The following KIAA1549 variants were observed in gnomAD, a reference collection of about 807,000 sequenced individuals.
KIAA1549 encodes KIAA1549.
A neutral mutation model predicts 156.4 loss-of-function variants in KIAA1549; 70 were observed. The observed-to-expected ratio is 0.45, with a 90% CI of 0.37 to 0.55. The LOEUF (loss-of-function observed/expected upper bound fraction) is 0.55, where lower values mean the gene tolerates loss of function less well. Among genes scored for constraint, KIAA1549 ranks in the 20% least tolerant of loss-of-function variants. The pLI is 0.00. For missense variants in KIAA1549, 2,428 were observed against 2,540.9 expected (o/e 0.96, Z 0.96); for synonymous variants, 1,103 against 1,066.4 (o/e 1.03, Z -0.67).
intron 17 of KIAA1549, among the ~76,000 whole-genome samples, chr7:138,846,408 A>C (rs1193879641): frequency 6.6e-6 from 1 of 151,922 alleles, no homozygotes; most frequent in Admixed American, 6.6e-5. Context: ...GGTGGCGCGC[A>C]CAAGTAATCC....
Position 138,831,484 on chromosome 7 carries a change from A to G in KIAA1549, c.*6422T>C, listed in dbSNP as rs745384041. ...CCAAATACTTGCATAAATTATTTCAAAAACTCTACAGCACATTAGAAAACA... is the reference window on the plus strand; with the variant it reads ...CCAAATACTTGCATAAATTATTTCAGAAACTCTACAGCACATTAGAAAACA... On this transcript the variant is annotated 3_prime_UTR_variant, in exon 20 of 20. Coordinates refer to ENST00000422774, the MANE Select transcript of KIAA1549 (RefSeq NM_001164665.2). 4.7e-6 allele frequency: 1 copy of G among 214,328 alleles called. No individual in the cohort carries two copies. Among genetic ancestry groups the G allele is most frequent in the Non-Finnish European group, 9.4e-6 (1 of 106,250 alleles). The allele number at this position is 214,328 out of a possible 1,614,324, so 13.3% of individuals were successfully genotyped here. A position where few individuals can be genotyped will look rare whatever the true frequency, so the allele number is the denominator to read the frequency against.
intron 7 of KIAA1549, among the ~76,000 whole-genome samples, chr7:138,904,805 T>C (rs1406662663): frequency 6.6e-6 from 1 of 152,136 alleles, no homozygotes; most frequent in Non-Finnish European, 1.5e-5. Flanking sequence ...GAACTTGATG[T>C]ATGAATTTTA....
rs764227010 is a variant in KIAA1549, at chr7:138,917,096, G to C, written c.2530C>G (p.Leu844Val). Residue 844 changes from leucine (L) to valine (V), a missense_variant, in exon 2 of 20, where the codon CTG (leucine) becomes GTG (valine). Physicochemically the swap from Leu to Val is conservative, Grantham distance 32 (BLOSUM62 1). Around this residue, in one of 5 missense-constraint regions of KIAA1549, gnomAD observed 762 missense variants for 901.6 expected, o/e 0.85. Coordinates refer to ENST00000422774, the MANE Select transcript of KIAA1549 (RefSeq NM_001164665.2). ...TGTVLITDAY[L>V]PSGSSFVSEA... Reference sequence around the variant, plus strand: ...GAAACAAACGAGGATCCTGATGGCAGGTACGCGTCAGTGATCAACACCGTA... The same window carrying C: ...GAAACAAACGAGGATCCTGATGGCACGTACGCGTCAGTGATCAACACCGTA... 5.6e-6 allele frequency: 9 copies of C among 1,609,878 alleles called. No homozygotes were observed. The highest frequency in any genetic ancestry group is 7.6e-6 in the Non-Finnish European group (9 of 1,178,140).
At chr7:138,920,075 T>G (rs947420161) in intron 1 of KIAA1549, among the ~76,000 whole-genome samples, 1 of 149,272 alleles carries the variant, frequency 6.7e-6, no homozygotes, top group African/African-American at 2.5e-5. Flanking sequence ...ACTCTAGGCC[T>G]TCCCAGCTAT....
intron 1 of KIAA1549, among the ~76,000 whole-genome samples, chr7:138,967,454 G>A (rs1482091037): frequency 1.3e-5 from 2 of 152,196 alleles, no homozygotes; most frequent in African/African-American, 4.8e-5. Flanking sequence ...GGAACAGCAA[G>A]TACAAATGAT....
intron 9 of KIAA1549, among the ~76,000 whole-genome samples, chr7:138,898,231 C>T (rs1462812374): frequency 2.0e-4 from 30 of 146,984 alleles, no homozygotes; most frequent in Admixed American, 2.1e-4. Flanking sequence ...CACTTGAACC[C>T]GGGAGGCAGA....
chr7:138,918,242 A>G lies in KIAA1549; in HGVS notation c.1384T>C (p.Ser462Pro). The G allele has an allele frequency of 6.2e-7, 1 of 1,613,952 alleles. No homozygotes were observed. The highest frequency in any genetic ancestry group is 1.3e-5 in the African/African-American group (1 of 75,040). The change falls in exon 2 of 20, where the codon TCT (serine) becomes CCT (proline). Residue 462 changes from serine to proline, a missense_variant. Physicochemically the swap from Ser to Pro is moderately conservative, Grantham distance 74. This residue lies in a region of KIAA1549 where 893 missense variants were observed against 847.9 expected (regional missense o/e 1.05). Coordinates refer to ENST00000422774, the MANE Select transcript of KIAA1549 (RefSeq NM_001164665.2). This position sits in a 1 kb window ranked among gnomAD's most constrained non-coding sequence, Gnocchi z 4.2. ...CMTVLEESSI[S>P]LMSSVVADFS... ...TCTGCTACGACGCTACTCATTAGAG[A>G]GATGCTGCTTTCTTCCAGCACGGTC...
chr7:138,896,151 C>T (rs1392530880), intron 9 of KIAA1549, among the ~76,000 whole-genome samples: 1 of 152,200 alleles, frequency 6.6e-6, no homozygotes, highest in Admixed American at 6.5e-5. Flanking sequence ...CTCATTCATC[C>T]GGTCTTGACG....
chr7:138,952,677 T>C (rs1274873656), intron 1 of KIAA1549, among the ~76,000 whole-genome samples: 1 of 152,214 alleles, frequency 6.6e-6, no homozygotes, highest in Non-Finnish European at 1.5e-5. Flanking sequence ...AGTCTAAAAA[T>C]GTATTTTTCA....
At chr7:138,902,924 T>C (rs140536131) in intron 8 of KIAA1549, among the ~76,000 whole-genome samples, 18 of 152,284 alleles carry the variant, frequency 1.2e-4, no homozygotes, top group African/African-American at 4.3e-4. Flanking sequence ...GAAGGAAATA[T>C]GCTGAAATGT....
intron 16 of KIAA1549, among the ~76,000 whole-genome samples, chr7:138,854,705 ACCATTCTCAT>A (rs1206192656): frequency 4.6e-5 from 7 of 152,334 alleles, no homozygotes; most frequent in Non-Finnish European, 8.8e-5. Context: ...TTAAGCTGCT[ACCATTCTCAT>A]CCAACTACAT....
At chr7:138,980,213 T>TGTGCAGGGGCAATCGCTGGC (rs1250159527) in intron 1 of KIAA1549, among the ~76,000 whole-genome samples, 4 of 152,246 alleles carry the variant, frequency 2.6e-5, no homozygotes, top group African/African-American at 9.6e-5. Context: ...GTCAAGTGCC[T>TGTGCAGGGGCAATCGCTGGC]GTGCAGGGGC....
chr7:138,859,257 G>A (rs1810485797), intron 16 of KIAA1549, among the ~76,000 whole-genome samples: 1 of 151,890 alleles, frequency 6.6e-6, no homozygotes, highest in Non-Finnish European at 1.5e-5. Flanking sequence ...ATTGAATCGG[G>A]ACTCTACCCT....
intron 16 of KIAA1549, among the ~76,000 whole-genome samples, chr7:138,856,488 T>C (rs535377288): frequency 6.6e-6 from 1 of 152,304 alleles, no homozygotes; most frequent in South Asian, 2.1e-4. Context: ...ACCAACTCTC[T>C]CACCAAGAAT....
intron 1 of KIAA1549, among the ~76,000 whole-genome samples, chr7:138,968,148 T>C (rs543047117): frequency 6.6e-6 from 1 of 151,984 alleles, no homozygotes; most frequent in South Asian, 2.1e-4. Flanking sequence ...TGAGATCACA[T>C]GGACACAGGG....
chr7:138,924,652 G>C (rs1224755844), intron 1 of KIAA1549, among the ~76,000 whole-genome samples: 1 of 152,110 alleles, frequency 6.6e-6, no homozygotes, highest in Non-Finnish European at 1.5e-5. Context: ...AGCCAAGCTG[G>C]GATGCTTTTT....
Position 138,966,044 on chromosome 7 carries a change from C to T in KIAA1549, c.187+15039G>A, listed in dbSNP as rs77979511. ...CACATCATTTGCTGGGAACACTGTT[C>T]CCCCCAATACCTGCTTGTCTTGCCC... On this transcript the variant is annotated intron_variant, in intron 1 of 19. Coordinates refer to ENST00000422774, the MANE Select transcript of KIAA1549 (RefSeq NM_001164665.2). Among the ~76,000 whole-genome samples, 492 of 152,232 alleles carry T rather than the reference C, an allele frequency of 3.2e-3. 5 individuals carry two copies. The highest frequency in any genetic ancestry group is 0.011 in the African/African-American group (466 of 41,524).
chr7:138,859,981 C>T (rs964127231), intron 16 of KIAA1549, among the ~76,000 whole-genome samples: 1 of 152,224 alleles, frequency 6.6e-6, no homozygotes, highest in Non-Finnish European at 1.5e-5. Flanking sequence ...GTGCACTACT[C>T]TGCCTCCAGC....
In KIAA1549 at chr7:138,932,410, T is replaced by A. The variant is rs540259477; in HGVS notation, c.188-12972A>T. 3.5e-3 allele frequency among the ~76,000 whole-genome samples: 531 copies of A among 149,760 alleles called. 3 individuals are homozygous for A. The highest frequency in any genetic ancestry group is 0.012 in the African/African-American group (476 of 40,112). Reference sequence around the variant, plus strand: ...TCTGGAAAGGAACAGAAAAAAAAAATATTTTTAAACTCTAAAGTAGAGTCA... The same window carrying A: ...TCTGGAAAGGAACAGAAAAAAAAAAAATTTTTAAACTCTAAAGTAGAGTCA... On this transcript the variant is annotated intron_variant, in intron 1 of 19. Coordinates refer to ENST00000422774, the MANE Select transcript of KIAA1549 (RefSeq NM_001164665.2).
Sources: allele counts gnomAD v4.1 joint callset (sites outside exome capture counted in the v4.1 genomes callset), GRCh38; gene constraint gnomAD v4.1.1; regional missense constraint gnomAD v4.1.1; non-coding constraint Gnocchi (gnomAD v3.1); transcripts MANE v1.5; gene names NCBI Gene and HGNC (gene_info 2026-07-23, HGNC 2026-07-21).